Variants in CNBP observed in about 807,000 individuals in gnomAD.
CNBP encodes CCHC-type zinc finger nucleic acid binding protein, also known as cellular nucleic acid-binding protein.
Under a neutral mutation model 21.2 loss-of-function variants are expected in CNBP, and 6 were observed. The ratio of observed to expected loss-of-function variants is 0.28; its 90% CI spans 0.16 to 0.56. CNBP has a LOEUF of 0.56. Ranked by LOEUF, CNBP falls within the 20% of genes least tolerant of loss-of-function variation. The pLI is 0.93. For missense variants in CNBP, 112 were observed against 233.1 expected (o/e 0.48, Z 3.38); for synonymous variants, 61 against 74.9 (o/e 0.81, Z 0.96).
At chr3:129,172,646 AGGCAGG>A (rs1937617877) in intron 1 of CNBP, among the ~76,000 whole-genome samples, 251 of 109,612 alleles carry the variant, frequency 2.3e-3, no homozygotes, top group Non-Finnish European at 2.9e-3. Context: ...GCAGGCAGGC[AGGCAGG>A]CAGGCAGACA....
intron 1 of CNBP, among the ~76,000 whole-genome samples, chr3:129,182,493 C>A (rs1163478358): frequency 6.6e-6 from 1 of 152,082 alleles, no homozygotes; most frequent in African/African-American, 2.4e-5. Flanking sequence ...ACAAGCCTTA[C>A]CCATAATAAA....
At chr3:129,182,646 G>A (rs1372279194) in intron 1 of CNBP, among the ~76,000 whole-genome samples, 2 of 152,150 alleles carry the variant, frequency 1.3e-5, no homozygotes, top group African/African-American at 4.8e-5. Context: ...AAGAAATGAT[G>A]CAGACTACCG....
rs11542606 is a variant in CNBP, at chr3:129,171,487, T to G, written c.176A>C (p.Glu59Ala). 1.2e-6 allele frequency: 2 copies of G among 1,614,116 alleles called. No individual in the cohort carries two copies. Among genetic ancestry groups the G allele is most frequent in the Non-Finnish European group, 1.7e-6 (2 of 1,180,002 alleles). The change falls in exon 3 of 5, where the codon GAG (glutamate) becomes GCG (alanine). Residue 59 changes from glutamate to alanine, a missense_variant. Glu to Ala is a moderately radical substitution (Grantham distance 107, BLOSUM62 -1). Coordinates refer to ENST00000422453, the MANE Select transcript of CNBP (RefSeq NM_003418.5). Reference protein sequence around the residue: ...SLPDICYRCGESGHLAKDCDL... With the variant: ...SLPDICYRCGASGHLAKDCDL... ...ACAATCCTTGGCAAGATGACCAGAC[T>G]CACCACAGCGATAACAAATGTCTGG...
intron 1 of CNBP, among the ~76,000 whole-genome samples, chr3:129,177,446 A>G (rs866389050): frequency 1.3e-5 from 2 of 152,244 alleles, no homozygotes; most frequent in Non-Finnish European, 2.9e-5. Context: ...AAAGGGAAAT[A>G]ATAAAACTGA....
chr3:129,179,248 G>C (rs1015623691), intron 1 of CNBP, among the ~76,000 whole-genome samples: 1 of 151,622 alleles, frequency 6.6e-6, no homozygotes, highest in African/African-American at 2.4e-5. Flanking sequence ...TCGCACTCCA[G>C]CCTGGGCAAC....
Position 129,168,726 on chromosome 3 carries a change from C to A in CNBP, c.*1727G>T, listed in dbSNP as rs1055358388. ...CCTGTAACACTAGCACTTTGGGGGGCGGGGCAGGTGGATCACCTGAGGTCA... is the reference window on the plus strand; with the variant it reads ...CCTGTAACACTAGCACTTTGGGGGGAGGGGCAGGTGGATCACCTGAGGTCA... On this transcript the variant is annotated 3_prime_UTR_variant, in exon 5 of 5. Transcript: ENST00000422453. Among the ~76,000 whole-genome samples the A allele has an allele frequency of 1.3e-5, 2 of 148,232 alleles. No homozygotes were observed. The highest frequency in any genetic ancestry group is 5.0e-5 in the African/African-American group (2 of 40,052).
In CNBP at chr3:129,170,054, C is replaced by T. The variant is rs1423508051; in HGVS notation, c.*399G>A. 3.9e-6 allele frequency: 1 copy of T among 255,858 alleles called. No individual in the cohort carries two copies. Among genetic ancestry groups the T allele is most frequent in the Non-Finnish European group, 7.7e-6 (1 of 130,134 alleles). 15.8% of individuals were successfully genotyped at this position (255,858 alleles called of 1,614,324 possible). On this transcript the variant is annotated 3_prime_UTR_variant, in exon 5 of 5. Coordinates refer to ENST00000422453, the MANE Select transcript of CNBP (RefSeq NM_003418.5). ...GCTACTGAGGTCAGACAATCCAAGA[C>T]CATCATTATACTAAAATTAAAGTTA...
Position 129,170,599 on chromosome 3 carries a change from T to A in CNBP, c.417-29A>T, listed in dbSNP as rs749419669. Reference sequence around the variant, plus strand: ...AAAAAGAAATTAAAAGTTTTCACAATGGGCCTCAGAAAAAAACTGTCTACC... The same window carrying A: ...AAAAAGAAATTAAAAGTTTTCACAAAGGGCCTCAGAAAAAAACTGTCTACC... On this transcript the variant is annotated intron_variant, in intron 4 of 4. Transcript: ENST00000422453. The A allele has an allele frequency of 1.5e-5, 23 of 1,573,844 alleles. No individual in the cohort carries two copies. In the Admixed American group the frequency reaches 1.8e-4, roughly 13 times the overall value.
At chr3:129,171,813 TCTTTTAA>T (rs1161419774) in intron 1 of CNBP, 42 bp from the exon 2 acceptor site, 8 of 1,568,732 alleles carry the variant, frequency 5.1e-6, no homozygotes, top group Non-Finnish European at 5.2e-6. Flanking sequence ...CACTGAAAGT[TCTTTTAA>T]CTTTTATTCT....
rs1037988171 is a variant in CNBP, at chr3:129,170,662, TTTG to T, written c.417-95_417-93del. ...ACCATGCAGAACAAAACGCCTGATC[TTTG>T]TTTTCATGCAATTAACCCCTAAGGT... On this transcript the variant is annotated intron_variant, in intron 4 of 4. Transcript: ENST00000422453. 6.3e-6 allele frequency: 6 copies of T among 945,732 alleles called. No homozygotes were observed. The African/African-American group carries it at 8.2e-5, about 13-fold the overall frequency. The allele number at this position is 945,732 out of a possible 1,614,324, so 58.6% of individuals were successfully genotyped here. A position where few individuals can be genotyped will look rare whatever the true frequency, so the allele number is the denominator to read the frequency against.
Position 129,171,076 on chromosome 3 carries a change from T to C in CNBP, c.416+3A>G. On this transcript the variant is annotated splice_donor_region_variant and intron_variant, in intron 4 of 4. Coordinates refer to ENST00000422453, the MANE Select transcript of CNBP (RefSeq NM_003418.5). ...TTCTTCTAACAACATTCTGACACCT[T>C]ACCTATAGCACTTCACTTTGGTGCA... The C allele has an allele frequency of 1.2e-6, 2 of 1,610,614 alleles. No homozygotes were observed. Among genetic ancestry groups the C allele is most frequent in the Non-Finnish European group, 1.7e-6 (2 of 1,178,494 alleles).
chr3:129,169,123 A>G lies in CNBP; in HGVS notation c.*1330T>C, dbSNP rs1483128203. On this transcript the variant is annotated 3_prime_UTR_variant, in exon 5 of 5. Transcript: ENST00000422453. Reference sequence around the variant, plus strand: ...TCTCAAAAAAAAATAAAAAAATAAAATAAAAATAAAAATACAAAAAATTAG... The same window carrying G: ...TCTCAAAAAAAAATAAAAAAATAAAGTAAAAATAAAAATACAAAAAATTAG... 6.6e-6 allele frequency among the ~76,000 whole-genome samples: 1 copy of G among 151,492 alleles called. No individual in the cohort carries two copies. Among genetic ancestry groups the G allele is most frequent in the Non-Finnish European group, 1.5e-5 (1 of 67,904 alleles).
Position 129,168,740 on chromosome 3 carries a change from C to T in CNBP, c.*1713G>A, listed in dbSNP as rs946390624. On this transcript the variant is annotated 3_prime_UTR_variant, in exon 5 of 5. Coordinates refer to ENST00000422453, the MANE Select transcript of CNBP (RefSeq NM_003418.5). ...ACTTTGGGGGGCGGGGCAGGTGGAT[C>T]ACCTGAGGTCAGGAGTTGGAGACCA... is the stretch of plus-strand genomic sequence containing the variant. Among the ~76,000 whole-genome samples, 9 of 151,556 alleles carry T rather than the reference C, an allele frequency of 5.9e-5. No homozygotes were observed. The highest frequency in any genetic ancestry group is 1.3e-4 in the Admixed American group (2 of 15,190).
chr3:129,174,340 A>T (rs1411865276), intron 1 of CNBP, among the ~76,000 whole-genome samples: 1 of 125,234 alleles, frequency 8.0e-6, no homozygotes, highest in East Asian at 2.5e-4. Context: ...ACCACAGAAG[A>T]GTCAGAATTA....
rs185904989 is a variant in CNBP, at chr3:129,179,294, A to G, written c.-15+4482T>C. On this transcript the variant is annotated intron_variant, in intron 1 of 4. Transcript: ENST00000422453. ...CTCCACCTCAAAGGAAAAAAAGAAG[A>G]AAAAAAAAGCAATGAAAGGAAGCAA... Among the ~76,000 whole-genome samples the G allele has an allele frequency of 5.2e-4, 79 of 151,488 alleles. 1 individual carries two copies. The highest frequency in any genetic ancestry group is 1.9e-3 in the African/African-American group (77 of 41,334).
intron 1 of CNBP, among the ~76,000 whole-genome samples, chr3:129,181,429 G>A (rs933639976): frequency 4.7e-5 from 7 of 149,030 alleles, no homozygotes; most frequent in African/African-American, 4.9e-5. Context: ...CGAGGGAGTC[G>A]GATCACAAGG....
intron 1 of CNBP, among the ~76,000 whole-genome samples, chr3:129,176,870 T>C (rs1937940919): frequency 6.6e-6 from 1 of 152,202 alleles, no homozygotes; most frequent in Non-Finnish European, 1.5e-5. Context: ...AATGTTATTT[T>C]GAGGATTCCA....
intron 1 of CNBP, among the ~76,000 whole-genome samples, chr3:129,177,943 T>A (rs1442500402): frequency 6.6e-6 from 1 of 152,078 alleles, no homozygotes; most frequent in East Asian, 1.9e-4. Flanking sequence ...ATGCATCACC[T>A]GAGGTCAGGA....
At position 129,168,520 on chromosome 3, in the gene CNBP, G is replaced by A. The variant is rs35661727; in HGVS notation, c.*1933C>T. ...GCTGAGGCAGGAGAATTACTTGAAC[G>A]GGGTGTGGGGGTGGGGGGTGGAGGT... is the stretch of plus-strand genomic sequence containing the variant. On this transcript the variant is annotated 3_prime_UTR_variant, in exon 5 of 5. Transcript: ENST00000422453. 4.4e-3 allele frequency among the ~76,000 whole-genome samples: 642 copies of A among 146,974 alleles called. 1 individual carries two copies. Among genetic ancestry groups the A allele is most frequent in the African/African-American group, 0.012 (467 of 39,612 alleles).
Sources: allele counts gnomAD v4.1 joint callset (sites outside exome capture counted in the v4.1 genomes callset), GRCh38; gene constraint gnomAD v4.1.1; transcripts MANE v1.5; gene names NCBI Gene and HGNC (gene_info 2026-07-23, HGNC 2026-07-21).